The following AMBRA1 variants were observed in gnomAD, a reference collection of about 807,000 sequenced individuals.
The protein encoded by AMBRA1 is activating molecule in BECN1-regulated autophagy protein 1.
In AMBRA1, 47 loss-of-function variants were observed where a neutral mutation model predicts 125.4. The ratio of observed to expected loss-of-function variants is 0.37; its 90% confidence interval spans 0.30 to 0.48. The LOEUF (loss-of-function observed/expected upper bound fraction) is 0.48. Ranked by LOEUF, AMBRA1 falls within the 20% of genes least tolerant of loss-of-function variation. The pLI is 0.99. For synonymous variants in AMBRA1, 626 were observed against 655.5 expected, an observed-to-expected ratio of 0.95 and a Z score of 0.69; for missense variants, 1,331 against 1,693.4, an observed-to-expected ratio of 0.79 and a Z score of 3.76.
At chr11:46,541,129 A>G (rs1952716401) in intron 7 of AMBRA1, among the ~76,000 whole-genome samples, 1 of 152,204 alleles carries the variant, frequency 6.6e-6, no homozygotes, top group East Asian at 1.9e-4. Flanking sequence ...GACCTTTACA[A>G]AATTACAGAA....
At position 46,548,292 on chromosome 11, in the gene AMBRA1, T is replaced by C. The variant is rs748044968; in HGVS notation, c.89A>G (p.Gln30Arg). 5.6e-6 allele frequency: 9 copies of C among 1,614,078 alleles called. No individual in the cohort carries two copies. The East Asian group carries it at 1.6e-4, about 28-fold the overall frequency. Residue 30 changes from glutamine to arginine, a missense_variant, in exon 2 of 18, where the codon CAG becomes CGG. By Grantham distance (43) the Gln-to-Arg change is conservative. Around this residue, in one of 4 missense-constraint regions of AMBRA1, gnomAD observed 144 missense variants for 250.4 expected, o/e 0.58. Transcript: ENST00000683756. Reference protein sequence around the residue: ...ARAMGAQRLLQELVEDKTRWM... With the variant: ...ARAMGAQRLLRELVEDKTRWM... ...CCGGGTTTTATCTTCTACCAGCTCCTGCAGAAGCCGCTGAGCTCCCATGGC... is the reference window on the plus strand; with the variant it reads ...CCGGGTTTTATCTTCTACCAGCTCCCGCAGAAGCCGCTGAGCTCCCATGGC...
At chr11:46,416,931 G>T (rs542634328) in intron 15 of AMBRA1, among the ~76,000 whole-genome samples, 1 of 152,206 alleles carries the variant, frequency 6.6e-6, no homozygotes, top group Non-Finnish European at 1.5e-5. Context: ...GATGCCTGGA[G>T]AAACTCTGAC....
chr11:46,400,099 C>G (rs1945665028), intron 17 of AMBRA1, among the ~76,000 whole-genome samples: 1 of 152,128 alleles, frequency 6.6e-6, no homozygotes, highest in Admixed American at 6.6e-5. Flanking sequence ...GACCTCCCTT[C>G]CAGCTTTCTG....
intron 1 of AMBRA1, among the ~76,000 whole-genome samples, chr11:46,553,754 A>AC (rs1008891722): frequency 2.0e-5 from 3 of 151,854 alleles, no homozygotes; most frequent in African/African-American, 7.3e-5. Flanking sequence ...CAAAAAAAAA[A>AC]CACAAAAACA....
chr11:46,510,492 C>T (rs1951215791), intron 8 of AMBRA1, among the ~76,000 whole-genome samples: 2 of 151,970 alleles, frequency 1.3e-5, no homozygotes, highest in Admixed American at 1.3e-4. Flanking sequence ...GAAAGAAGAC[C>T]CTTTTATTTG....
intron 8 of AMBRA1, 110 bp from the exon 9 acceptor site, chr11:46,508,480 G>A (rs1336457776): frequency 8.9e-7 from 1 of 1,124,394 alleles, no homozygotes; most frequent in Non-Finnish European, 1.3e-6. Flanking sequence ...GTGAACTCTG[G>A]AGACATGAAA....
At chr11:46,420,295 T>C (rs1946790374) in intron 14 of AMBRA1, among the ~76,000 whole-genome samples, 1 of 152,166 alleles carries the variant, frequency 6.6e-6, no homozygotes, top group Non-Finnish European at 1.5e-5. Context: ...CCGATGAAGT[T>C]AATGAATTTC....
chr11:46,591,202 T>C (rs2135349561), intron 1 of AMBRA1: 1 of 152,336 alleles, frequency 6.6e-6, no homozygotes. Flanking sequence ...TACGCAGAAC[T>C]TATCAATTCC....
chr11:46,417,979 A>T lies in AMBRA1; in HGVS notation c.3050T>A (p.Leu1017Gln). The T allele has an allele frequency of 6.2e-7, 1 of 1,611,674 alleles. No homozygotes were observed. Among genetic ancestry groups the T allele is most frequent in the Non-Finnish European group, 8.5e-7 (1 of 1,178,226 alleles). ...GGCCAAGCCAAGCCCTGGCTCAGGC[A>T]GCCAACGGGCAGAGTTGATACTGAC... ...RHVSINSARWLPEPGLGLAYG... is the reference protein window; with the variant it reads ...RHVSINSARWQPEPGLGLAYG... The change falls in exon 15 of 18, where the codon CTG becomes CAG. Residue 1017 changes from leucine (L) to glutamine (Q), a missense_variant. Physicochemically the swap from Leu to Gln is moderately radical, Grantham distance 113. Around this residue, in one of 4 missense-constraint regions of AMBRA1, gnomAD observed 354 missense variants for 532.7 expected, o/e 0.66. Transcript: ENST00000683756.
intron 11 of AMBRA1, among the ~76,000 whole-genome samples, chr11:46,448,445 C>T (rs1242531078): frequency 1.3e-5 from 2 of 152,046 alleles, no homozygotes; most frequent in Non-Finnish European, 2.9e-5. Flanking sequence ...TCTCAAAATT[C>T]GTGAAATGTA....
rs748837618 is a variant in AMBRA1, at chr11:46,543,265, G to A, written c.752C>T (p.Ser251Phe). The A allele has an allele frequency of 6.2e-7, 1 of 1,614,058 alleles. No individual in the cohort carries two copies. The highest frequency in any genetic ancestry group is 8.5e-7 in the Non-Finnish European group (1 of 1,180,006). Reference protein sequence around the residue: ...HNFLHMLSSRSSGIQVGEQST... With the variant: ...HNFLHMLSSRFSGIQVGEQST... ...TTGCTCTCCCACCTGGATGCCAGAA[G>A]AGCGGGAGGACAGCATGTGCAGGAA... The change falls in exon 7 of 18, where the codon TCT becomes TTT. Residue 251 changes from serine to phenylalanine, a missense_variant. By Grantham distance (155) the Ser-to-Phe change is radical. This residue lies in a region of AMBRA1 where 689 missense variants were observed against 776.5 expected (regional missense o/e 0.89). Coordinates refer to ENST00000683756, the MANE Select transcript of AMBRA1 (RefSeq NM_001387011.1).
intron 11 of AMBRA1, among the ~76,000 whole-genome samples, chr11:46,483,964 C>A (rs1950171259): frequency 6.6e-6 from 1 of 152,108 alleles, no homozygotes; most frequent in Non-Finnish European, 1.5e-5. Flanking sequence ...AGCATTCATA[C>A]TGCTCACTTT....
chr11:46,420,580 T>C (rs1946803071), intron 14 of AMBRA1, among the ~76,000 whole-genome samples: 1 of 152,234 alleles, frequency 6.6e-6, no homozygotes, highest in Non-Finnish European at 1.5e-5. Flanking sequence ...ACTTTATGGT[T>C]AAACACAACT....
intron 9 of AMBRA1, among the ~76,000 whole-genome samples, chr11:46,498,954 C>A (rs1217298958): frequency 6.6e-6 from 1 of 152,202 alleles, no homozygotes; most frequent in African/African-American, 2.4e-5. Flanking sequence ...CATTTCCTTA[C>A]TGGAGTGCTG....
At chr11:46,422,961 G>C (rs1404154396) in intron 14 of AMBRA1, among the ~76,000 whole-genome samples, 1 of 152,190 alleles carries the variant, frequency 6.6e-6, no homozygotes, top group African/African-American at 2.4e-5. Flanking sequence ...CAAAGCAAGG[G>C]GGCTTTGAGG....
At chr11:46,436,143 A>T (rs1049163269) in intron 12 of AMBRA1, among the ~76,000 whole-genome samples, 2 of 152,214 alleles carry the variant, frequency 1.3e-5, no homozygotes, top group African/African-American at 2.4e-5. Context: ...TTTAAAAGCC[A>T]AGCTCAGCTG....
chr11:46,541,531 AC>A (rs1407996140), intron 7 of AMBRA1, among the ~76,000 whole-genome samples: 3 of 152,194 alleles, frequency 2.0e-5, no homozygotes, highest in African/African-American at 7.2e-5. Flanking sequence ...GAGCCAATAT[AC>A]TAATCTCTAC....
chr11:46,515,779 G>A (rs544326245), intron 7 of AMBRA1, among the ~76,000 whole-genome samples: 3 of 152,104 alleles, frequency 2.0e-5, no homozygotes, highest in South Asian at 2.1e-4. Context: ...GGGTTCAAGC[G>A]ATTCTCCTGC....
chr11:46,472,792 G>A (rs528049335), intron 11 of AMBRA1, among the ~76,000 whole-genome samples: 1 of 152,212 alleles, frequency 6.6e-6, no homozygotes, highest in Non-Finnish European at 1.5e-5. Context: ...GGTGGCCTTC[G>A]GAACTATGTC....
Sources: allele counts gnomAD v4.1 joint callset (sites outside exome capture counted in the v4.1 genomes callset), GRCh38; gene constraint gnomAD v4.1.1; regional missense constraint gnomAD v4.1.1; transcripts MANE v1.5; gene names NCBI Gene and HGNC (gene_info 2026-07-23, HGNC 2026-07-21).